The following GSE1 variants were observed in gnomAD, a reference collection of about 807,000 sequenced individuals.
GSE1 encodes the protein Gse1 coiled-coil protein.
A neutral mutation model predicts 112.6 loss-of-function variants in GSE1; 32 were observed. The observed-to-expected ratio is 0.28, with a 90% CI of 0.21 to 0.38. The LOEUF (loss-of-function observed/expected upper bound fraction) is 0.38, where lower values mean the gene tolerates loss of function less well. Among genes scored for constraint, GSE1 ranks in the 10% least tolerant of loss-of-function variants. The pLI is 1.00. For synonymous variants in GSE1, 1,115 were observed against 735.6 expected, an observed-to-expected ratio of 1.52 and a Z score of -8.35; for missense variants, 2,348 against 1,699.2, an observed-to-expected ratio of 1.38 and a Z score of -6.71.
chr16:85,595,570 C>T (rs2047185210), intron 1 of GSE1: 2 of 152,190 alleles, frequency 1.3e-5, no homozygotes, highest in South Asian at 2.1e-4. Context: ...CTCTAGGACA[C>T]GTTCCATGTG....
exon 1 of GSE1, chr16:85,171,193 A>G: frequency 3.0e-6 from 3 of 985,668 alleles, no homozygotes; most frequent in Non-Finnish European, 3.6e-6. Flanking sequence ...CGAGGAGCTC[A>G]TCACCTCCGT....
intron 2 of GSE1, among the ~76,000 whole-genome samples, chr16:85,424,323 C>G (rs926099802): frequency 2.6e-5 from 4 of 152,216 alleles, no homozygotes; most frequent in African/African-American, 9.6e-5. Flanking sequence ...ACGGCAGGGT[C>G]GCCGCTTAAA....
chr16:85,331,355 G>GTATATATATATA (rs1467067903), intron 1 of GSE1, among the ~76,000 whole-genome samples: 1,043 of 57,308 alleles, frequency 0.018, 86 homozygotes, highest in African/African-American at 0.049. Context: ...GTGTGTGTGT[G>GTATATATATATA]TGTGTGTGTG....
intron 1 of GSE1, among the ~76,000 whole-genome samples, chr16:85,239,032 A>G (rs951564943): frequency 6.6e-6 from 1 of 151,906 alleles, no homozygotes; most frequent in African/African-American, 2.4e-5. Context: ...GGTTCAAGCA[A>G]TTCTCCTGCC....
intron 2 of GSE1, among the ~76,000 whole-genome samples, chr16:85,362,981 G>T (rs371654136): frequency 4.0e-5 from 6 of 151,834 alleles, no homozygotes; most frequent in African/African-American, 1.5e-4. Context: ...GATTACAGGC[G>T]TACTCCACCA....
intron 1 of GSE1, among the ~76,000 whole-genome samples, chr16:85,604,095 G>A (rs1252509020): frequency 2.6e-5 from 4 of 152,152 alleles, no homozygotes; most frequent in Non-Finnish European, 4.4e-5. Context: ...AGCATATCAC[G>A]TGGCAAAGGC....
intron 2 of GSE1, among the ~76,000 whole-genome samples, chr16:85,488,404 C>A (rs150403803): frequency 1.3e-5 from 2 of 152,150 alleles, no homozygotes. Flanking sequence ...TTCATTTATT[C>A]GCACAGCCAG....
At chr16:85,482,276 C>A (rs2050703805) in intron 2 of GSE1, among the ~76,000 whole-genome samples, 1 of 152,228 alleles carries the variant, frequency 6.6e-6, no homozygotes, top group Non-Finnish European at 1.5e-5. Flanking sequence ...ACTGGGGGTG[C>A]TCGGATGTGT....
chr16:85,529,442 G>C (rs949417822), intron 2 of GSE1, among the ~76,000 whole-genome samples: 4 of 152,182 alleles, frequency 2.6e-5, no homozygotes, highest in African/African-American at 9.7e-5. Flanking sequence ...TAAAAACAAA[G>C]AAATTTCTTC....
intron 1 of GSE1, among the ~76,000 whole-genome samples, chr16:85,598,473 C>G (rs1349703357): frequency 6.6e-6 from 1 of 152,204 alleles, no homozygotes; most frequent in African/African-American, 2.4e-5. Flanking sequence ...ATATTAGAAA[C>G]CAACTTTGAT....
chr16:85,563,029 C>T (rs901180287), intron 1 of GSE1, among the ~76,000 whole-genome samples: 1 of 152,168 alleles, frequency 6.6e-6, no homozygotes, highest in Non-Finnish European at 1.5e-5. Context: ...CAAACAGATC[C>T]TTGTCCCTGT....
At chr16:85,317,794 T>G (rs574391176) in intron 1 of GSE1, among the ~76,000 whole-genome samples, 7 of 152,150 alleles carry the variant, frequency 4.6e-5, no homozygotes, top group African/African-American at 1.7e-4. Context: ...CCCTCCTAAG[T>G]GTGGGACCTG....
intron 1 of GSE1, among the ~76,000 whole-genome samples, chr16:85,291,044 C>G (rs1392930672): frequency 6.6e-6 from 1 of 152,266 alleles, no homozygotes; most frequent in East Asian, 1.9e-4. Context: ...AAGCCTGATT[C>G]AGGCAGACAC....
intron 2 of GSE1, among the ~76,000 whole-genome samples, chr16:85,467,391 G>A (rs533918942): frequency 2.3e-3 from 357 of 152,332 alleles, no homozygotes; most frequent in Middle Eastern, 0.01. Flanking sequence ...AGACATTGGC[G>A]TAAAACAAGA....
chr16:85,666,294 A>G lies in GSE1; in HGVS notation c.3077A>G (p.Gln1026Arg). 6.2e-7 allele frequency: 1 copy of G among 1,613,900 alleles called. No individual in the cohort carries two copies. The highest frequency in any genetic ancestry group is 8.5e-7 in the Non-Finnish European group (1 of 1,180,018). The change falls in exon 13 of 16, where the codon CAG (glutamine) becomes CGG (arginine). Residue 1026 changes from glutamine to arginine, a missense_variant. Physicochemically the swap from Gln to Arg is conservative, Grantham distance 43. Transcript: ENST00000253458. ...EPFVAEEFAHQFHESVLQSTQ... is the reference protein window; with the variant it reads ...EPFVAEEFAHRFHESVLQSTQ... ...TTTGTGGCAGAAGAGTTTGCACATC[A>G]GTTCCACGAGTCAGTGCTGCAGTCC... is the stretch of plus-strand genomic sequence containing the variant.
intron 1 of GSE1, among the ~76,000 whole-genome samples, chr16:85,263,619 C>T (rs998733919): frequency 6.6e-6 from 1 of 151,576 alleles, no homozygotes; most frequent in African/African-American, 2.4e-5. Flanking sequence ...GTCGCCCAGG[C>T]TGGAGTGCAA....
chr16:85,412,533 C>G (rs1334451225), intron 2 of GSE1, among the ~76,000 whole-genome samples: 4 of 6,292 alleles, frequency 6.4e-4, no homozygotes, highest in African/African-American at 7.2e-4. Context: ...TACACTCAGG[C>G]CCCCCGGATA....
rs769913327 is a variant in GSE1 at position 85,656,334 on chromosome 16, G to C, written c.990-9G>C. 6 of 1,610,932 alleles carry C rather than the reference G, an allele frequency of 3.7e-6. No individual in the cohort carries two copies. The East Asian group carries it at 8.9e-5, about 24-fold the overall frequency. Reference sequence around the variant, plus strand: ...CAGCAGAGCCCCCAACTCTTTCCATGTGCTGCAGGCTGCAGATGGACGAGG... The same window carrying C: ...CAGCAGAGCCCCCAACTCTTTCCATCTGCTGCAGGCTGCAGATGGACGAGG... On this transcript the variant is annotated splice_polypyrimidine_tract_variant and intron_variant, in intron 6 of 15. Transcript: ENST00000253458.
At chr16:85,652,424 C>T (rs939219767) in intron 3 of GSE1, among the ~76,000 whole-genome samples, 4 of 152,218 alleles carry the variant, frequency 2.6e-5, no homozygotes, top group African/African-American at 7.2e-5. Context: ...CTCCCACCCT[C>T]GAGACCAGCA....
Sources: gnomAD v4.1 joint callset for allele counts (sites outside exome capture counted in the v4.1 genomes callset) on GRCh38, gnomAD v4.1.1 for gene constraint, MANE v1.5 for transcripts, NCBI Gene and HGNC (gene_info 2026-07-23, HGNC 2026-07-21) for gene names.